SGO1: variants seen among roughly 807,000 people sequenced by gnomAD.
The protein encoded by SGO1 is serologically defined breast cancer antigen NY-BR-85.
In SGO1, 39 loss-of-function variants were observed where a neutral mutation model predicts 50.5. The observed-to-expected ratio is 0.77, with a 90% CI of 0.60 to 1.01. The LOEUF (loss-of-function observed/expected upper bound fraction) is 1.01, where lower values mean the gene tolerates loss of function less well. Among genes scored for constraint, SGO1 ranks in the 50% least tolerant of loss-of-function variants. The probability of loss-of-function intolerance (pLI) is 0.00; values close to 1 mark genes in which losing one functional copy is unlikely to be tolerated. For synonymous variants in SGO1, 191 were observed against 205.1 expected, an observed-to-expected ratio of 0.93 and a Z score of 0.59; for missense variants, 638 against 606.0, an observed-to-expected ratio of 1.05 and a Z score of -0.55.
At position 20,172,501 on chromosome 3, in the gene SGO1, CAAAAA is replaced by C. The variant is rs60237637; in HGVS notation, c.1283-1274_1283-1270del. Among the ~76,000 whole-genome samples, 44 of 102,548 alleles carry C rather than the reference CAAAAA, an allele frequency of 4.3e-4. 1 individual carries two copies. The South Asian group carries it at 0.013, about 31-fold the overall frequency. 67.3% of individuals were successfully genotyped at this position (102,548 alleles called of 152,430 possible). ...GGGCAACAAGAGTGAAACTCTGTTT[CAAAAA>C]AAAAAAAAAAAAAAAGATGCAGATT... On this transcript the variant is annotated intron_variant, in intron 6 of 7. Coordinates refer to ENST00000412997, the MANE Select transcript of SGO1 (RefSeq NM_001199251.3).
intron 3 of SGO1, among the ~76,000 whole-genome samples, chr3:20,183,188 A>G (rs1006122808): frequency 9.0e-4 from 137 of 152,316 alleles, no homozygotes; most frequent in African/African-American, 3.2e-3. Context: ...TGGATAAAGC[A>G]AAATGACATA....
intron 3 of SGO1, among the ~76,000 whole-genome samples, chr3:20,181,786 G>T (rs577212148): frequency 6.6e-6 from 1 of 152,198 alleles, no homozygotes; most frequent in East Asian, 1.9e-4. Flanking sequence ...AAAAGAAAAA[G>T]AAAAAGTAAT....
At chr3:20,166,022 C>T (rs1383752741), downstream of SGO1, among the ~76,000 whole-genome samples, 1 of 152,110 alleles carries the variant, frequency 6.6e-6, no homozygotes, top group African/African-American at 2.4e-5. Context: ...CACTGCACTC[C>T]AGCCTGGCTG....
chr3:20,163,551 C>A (rs1362401316), intron 8 of SGO1, among the ~76,000 whole-genome samples: 1 of 152,090 alleles, frequency 6.6e-6, no homozygotes, highest in African/African-American at 2.4e-5. Flanking sequence ...ACTACATTTT[C>A]TAAATGGAAA....
At chr3:20,166,438 T>C (rs1559344897), downstream of SGO1, among the ~76,000 whole-genome samples, 2 of 152,244 alleles carry the variant, frequency 1.3e-5, no homozygotes, top group Admixed American at 6.5e-5. Flanking sequence ...TGCTATAACA[T>C]GGATGAACCT....
At chr3:20,178,188 G>C in intron 4 of SGO1, 83 bp downstream of exon 4, 1 of 948,178 alleles carries the variant, frequency 1.1e-6, no homozygotes, top group African/African-American at 1.6e-5. Flanking sequence ...GAGTTGACAT[G>C]ATGCACATTT....
At chr3:20,186,681 C>T (rs533055107), upstream of SGO1, 11 of 152,196 alleles carry the variant, frequency 7.2e-5, no homozygotes, top group Non-Finnish European at 1.6e-4. Context: ...CTGCAGATAC[C>T]TGAAAATTCT....
Position 20,184,367 on chromosome 3 carries a change from A to G in SGO1, c.-7-333T>C, listed in dbSNP as rs147577273. The stretch of plus-strand genomic sequence containing the variant: ...CACTATTGAAAATGCTTATTATTAT[A>G]TTTTGATGCATTATTTACACTTTTT... On this transcript the variant is annotated intron_variant, in intron 1 of 7. Coordinates refer to ENST00000412997, the MANE Select transcript of SGO1 (RefSeq NM_001199251.3). Among the ~76,000 whole-genome samples the G allele has an allele frequency of 1.1e-4, 17 of 152,276 alleles. No individual in the cohort carries two copies. The East Asian group carries it at 3.3e-3, about 29-fold the overall frequency.
chr3:20,167,479 A>G (rs55811133), downstream of SGO1, among the ~76,000 whole-genome samples: 18,959 of 152,148 alleles, frequency 0.12, 1,366 homozygotes, highest in East Asian at 0.22. Flanking sequence ...TATATAAAAA[A>G]TCCATAGTTT....
Position 20,183,009 on chromosome 3 carries a change from C to T in SGO1, c.339+599G>A, listed in dbSNP as rs150768261. Reference sequence around the variant, plus strand: ...CTCTAGCCTGGGCGACTGAGGGAGACGCCGTCTCAAAAAAAAAAAAATATT... The same window carrying T: ...CTCTAGCCTGGGCGACTGAGGGAGATGCCGTCTCAAAAAAAAAAAAATATT... On this transcript the variant is annotated intron_variant, in intron 3 of 7. Transcript: ENST00000412997. 2.6e-3 allele frequency among the ~76,000 whole-genome samples: 391 copies of T among 150,944 alleles called. 2 individuals carry two copies. Among genetic ancestry groups the T allele is most frequent in the African/African-American group, 9.1e-3 (374 of 41,028 alleles).
intron 3 of SGO1, among the ~76,000 whole-genome samples, chr3:20,179,403 T>C (rs779211055): frequency 5.3e-5 from 8 of 152,036 alleles, no homozygotes; most frequent in Non-Finnish European, 7.4e-5. Flanking sequence ...TGAGAGGGTA[T>C]AAGATGAGTC....
chr3:20,185,095 T>C (rs754566652), intron 1 of SGO1, among the ~76,000 whole-genome samples: 84 of 152,226 alleles, frequency 5.5e-4, no homozygotes, highest in Admixed American at 5.2e-4. Context: ...ATCTTAAATA[T>C]AGGTATTGTA....
At chr3:20,161,353 A>G (rs1469149675) in intron 8 of SGO1, 8 of 1,361,926 alleles carry the variant, frequency 5.9e-6, no homozygotes, top group Non-Finnish European at 7.7e-6. Context: ...AAAATATGTG[A>G]GCAAACAATC....
Position 20,174,582 on chromosome 3 carries a change from TA to T in SGO1, c.948del (p.Asn316LysfsTer37). 1 of 1,603,298 alleles carries T rather than the reference TA, an allele frequency of 6.2e-7. No homozygotes were observed. ...MSKYKENKSE[N>X]KKTVPQKKMH... is the part of the protein sequence containing the mutation. ...ATTTTTTTTTGGGGAACAGTTTTTTTATTTTCGCTTTTATTCTCTTTATATT... is the reference window on the plus strand; with the variant it reads ...ATTTTTTTTTGGGGAACAGTTTTTTTTTTTCGCTTTTATTCTCTTTATATT... On this transcript the variant is annotated frameshift_variant, in exon 6 of 8. Coordinates refer to ENST00000412997, the MANE Select transcript of SGO1 (RefSeq NM_001199251.3). LOFTEE classifies it high-confidence loss of function.
intron 5 of SGO1, among the ~76,000 whole-genome samples, chr3:20,175,660 G>A (rs1007475950): frequency 3.3e-5 from 5 of 152,014 alleles, no homozygotes; most frequent in South Asian, 2.1e-4. Context: ...TTAGCCAGGC[G>A]TGGTGGTGGG....
chr3:20,164,166 G>A (rs1700180761), intron 8 of SGO1, among the ~76,000 whole-genome samples: 3 of 152,050 alleles, frequency 2.0e-5, no homozygotes, highest in African/African-American at 4.8e-5. Flanking sequence ...TCTCACAAAC[G>A]TAGATGTGAA....
rs1700548227 is a variant in SGO1 at position 20,169,973 on chromosome 3, A to G, written c.*731T>C. The G allele has an allele frequency of 1.6e-5, 16 of 983,816 alleles. No individual in the cohort carries two copies. The South Asian group carries it at 4.2e-4, about 26-fold the overall frequency. The allele number at this position is 983,816 out of a possible 1,614,324, so 60.9% of individuals were successfully genotyped here. ...ATTTATTTTACTCAAATATTGTACT[A>G]AAGAGTTTCAAAAGATCCTCTTAGA... On this transcript the variant is annotated 3_prime_UTR_variant, in exon 8 of 8. Coordinates refer to ENST00000412997, the MANE Select transcript of SGO1 (RefSeq NM_001199251.3).
Position 20,162,671 on chromosome 3 carries a change from G to A in SGO1, c.1565-1445C>T, listed in dbSNP as rs187944631. Among the ~76,000 whole-genome samples the A allele has an allele frequency of 7.2e-5, 11 of 152,004 alleles. No homozygotes were observed. In the South Asian group the frequency reaches 1.9e-3, roughly 26 times the overall value. ...CAGAAATGACAGAGATAATGGAATC[G>A]GCAGATAGGGGTGTTAAAATAGTTA... On this transcript the variant is annotated intron_variant, in intron 8 of 8. Transcript: ENST00000263753.
At chr3:20,176,498 T>C in intron 5 of SGO1, 103 bp downstream of exon 5, 8 of 735,676 alleles carry the variant, frequency 1.1e-5, no homozygotes, top group Non-Finnish European at 1.8e-5. Context: ...TGAACAAATT[T>C]AAAAAGTTAA....
Sources: gnomAD v4.1 joint callset for allele counts (sites outside exome capture counted in the v4.1 genomes callset) on GRCh38, gnomAD v4.1.1 for gene constraint, MANE v1.5 for transcripts, NCBI Gene and HGNC (gene_info 2026-07-23, HGNC 2026-07-21) for gene names.